UPF1: variants seen among roughly 807,000 people sequenced by gnomAD.
UPF1 encodes the protein UPF1 RNA helicase and ATPase, also known as regulator of nonsense transcripts 1.
UPF1 carries 9 observed loss-of-function variants against 129.2 expected under a neutral mutation model. The observed-to-expected ratio is 0.07, with a 90% CI of 0.04 to 0.12. The LOEUF is 0.12. UPF1 is among the 10% of genes least tolerant of loss of function. The pLI, the probability that UPF1 is intolerant of heterozygous loss-of-function variation, is 1.00. For missense variants in UPF1, 788 were observed against 1,525.3 expected (o/e 0.52, Z 8.05); for synonymous variants, 649 against 644.9 (o/e 1.01, Z -0.10).
At chr19:18,855,716 C>T (rs1345152539) in intron 11 of UPF1, 8 of 652,350 alleles carry the variant, frequency 1.2e-5, no homozygotes, top group Non-Finnish European at 1.8e-5. Context: ...GGGGTAGTGG[C>T]GTGCACCTGT....
Position 18,865,853 on chromosome 19 carries a change from C to G in UPF1, c.3237+75C>G. 1.3e-6 allele frequency: 2 copies of G among 1,592,932 alleles called. No homozygotes were observed. ...CACCTGAAACATTCCCTCTGAAGAG[C>G]CCCAGAGAGCTGGCCTGGCCCATGT... On this transcript the variant is annotated intron_variant, in intron 22 of 23. Coordinates refer to ENST00000262803, the MANE Select transcript of UPF1 (RefSeq NM_002911.4). This position sits in a 1 kb window ranked among gnomAD's most constrained non-coding sequence, Gnocchi z 6.1.
Position 18,865,268 on chromosome 19 carries a change from G to C in UPF1, c.2858-21G>C. ...TTGACCGAGGCAGGTGACACCTGCC[G>C]TGTTCCACTGTGATTTGCAGGCCGG... is the stretch of plus-strand genomic sequence containing the variant. On this transcript the variant is annotated intron_variant, in intron 20 of 23. Coordinates refer to ENST00000262803, the MANE Select transcript of UPF1 (RefSeq NM_002911.4). The surrounding 1 kb of genome is among the most constrained non-coding windows in gnomAD (Gnocchi z 6.1). The C allele has an allele frequency of 2.5e-6, 4 of 1,590,842 alleles. No homozygotes were observed. Among genetic ancestry groups the C allele is most frequent in the Non-Finnish European group, 3.4e-6 (4 of 1,162,604 alleles).
In UPF1 at chr19:18,853,763, C is replaced by G. The variant is rs2055685511; in HGVS notation, c.1156+413C>G. 6.6e-6 allele frequency among the ~76,000 whole-genome samples: 1 copy of G among 152,246 alleles called. No homozygotes were observed. Among genetic ancestry groups the G allele is most frequent in the Admixed American group, 6.5e-5 (1 of 15,290 alleles). On this transcript the variant is annotated intron_variant, in intron 8 of 23. Coordinates refer to ENST00000262803, the MANE Select transcript of UPF1 (RefSeq NM_002911.4). The surrounding 1 kb of genome is among the most constrained non-coding windows in gnomAD (Gnocchi z 4.4). ...CACATGCAGACCCTCTGAGCACACA[C>G]TTGCTCCCAGGCCATGTTTGGGAAT...
At chr19:18,855,364 C>T (rs2055705424) in intron 11 of UPF1, 122 bp downstream of exon 11, 6 of 1,041,144 alleles carry the variant, frequency 5.8e-6, no homozygotes, top group African/African-American at 1.6e-5. Flanking sequence ...CGGGTAGTGT[C>T]GCCATGGTGC....
intron 20 of UPF1, among the ~76,000 whole-genome samples, chr19:18,864,832 G>C (rs1189055072): frequency 7.1e-6 from 1 of 140,092 alleles, no homozygotes; most frequent in Non-Finnish European, 1.5e-5. Flanking sequence ...CTCCCCCTCT[G>C]GGTTCAAGCG....
At chr19:18,866,009 C>G (rs1294764104) in intron 22 of UPF1, 35 bp from the exon 23 acceptor site, 1 of 1,612,728 alleles carries the variant, frequency 6.2e-7, no homozygotes, top group Admixed American at 1.7e-5. Flanking sequence ...CACCCTTGGC[C>G]TGTGGCTTGC....
At position 18,850,002 on chromosome 19, in the gene UPF1, CAG is replaced by C. The variant is rs993289591; in HGVS notation, c.462-72_462-71del. ...CCGTGAACGGTACCGGAACTTTTAA[CAG>C]GGGCCCGAAAATTGGAAGTGGTGAA... On this transcript the variant is annotated intron_variant, in intron 3 of 23. Transcript: ENST00000262803. This position sits in a 1 kb window ranked among gnomAD's most constrained non-coding sequence, Gnocchi z 7.1. The C allele has an allele frequency of 3.8e-6, 6 of 1,588,026 alleles. No homozygotes were observed. Among genetic ancestry groups the C allele is most frequent in the Admixed American group, 1.7e-5 (1 of 59,122 alleles).
At chr19:18,836,218 A>C (rs1413728423) in intron 1 of UPF1, among the ~76,000 whole-genome samples, 1 of 152,178 alleles carries the variant, frequency 6.6e-6, no homozygotes, top group Admixed American at 6.5e-5. Context: ...CAGTGAAGGT[A>C]ATTTCAGAAG....
Position 18,855,343 on chromosome 19 carries a change from A to G in UPF1, c.1544+101A>G, listed in dbSNP as rs2055705008. On this transcript the variant is annotated intron_variant, in intron 11 of 23. Coordinates refer to ENST00000262803, the MANE Select transcript of UPF1 (RefSeq NM_002911.4). Reference sequence around the variant, plus strand: ...AGCCTTGGGCTCTGTCACACCGAAGAGAGCACGTGGCGGGTAGTGTCGCCA... The same window carrying G: ...AGCCTTGGGCTCTGTCACACCGAAGGGAGCACGTGGCGGGTAGTGTCGCCA... The G allele has an allele frequency of 3.0e-6, 4 of 1,337,584 alleles. No individual in the cohort carries two copies. The South Asian group carries it at 4.0e-5, about 13-fold the overall frequency. The allele number at this position is 1,337,584 out of a possible 1,614,324, so 82.9% of individuals were successfully genotyped here.
intron 2 of UPF1, among the ~76,000 whole-genome samples, chr19:18,847,302 C>G (rs1456713648): frequency 1.3e-5 from 2 of 152,216 alleles, no homozygotes; most frequent in Non-Finnish European, 2.9e-5. Flanking sequence ...TCCCGAGGCT[C>G]CTCGCTTGGG....
Position 18,860,379 on chromosome 19 carries a change from C to T in UPF1, c.2241C>T (p.Phe747=), listed in dbSNP as rs749150105. ...GGCCCCAACCCGATAAACCGATGTTCTTCTACGTGACCCAGGGCCAAGAGG... is the reference window on the plus strand; with the variant it reads ...GGCCCCAACCCGATAAACCGATGTTTTTCTACGTGACCCAGGGCCAAGAGG... The part of the protein sequence containing the change: ...FQWPQPDKPM[F]FYVTQGQEEI... Residue 747 remains phenylalanine, a synonymous_variant, in exon 16 of 24, where the codon TTC becomes TTT. Transcript: ENST00000262803. 8 of 1,614,016 alleles carry T rather than the reference C, an allele frequency of 5.0e-6. 1 individual carries two copies. In the South Asian group the frequency reaches 5.5e-5, roughly 11 times the overall value.
At chr19:18,852,588 G>A (rs1700759573) in intron 6 of UPF1, among the ~76,000 whole-genome samples, 1 of 152,148 alleles carries the variant, frequency 6.6e-6, no homozygotes, top group Admixed American at 6.5e-5. Flanking sequence ...CGTGATCCCT[G>A]TGAAGACCAC....
chr19:18,847,797 A>G lies in UPF1; in HGVS notation c.425A>G (p.Lys142Arg). The part of the protein sequence containing the change: ...ACVVYCNTSK[K>R]WFCNGRGNTS... Reference sequence around the variant, plus strand: ...GTGGTTTACTGTAATACCAGCAAGAAGTGGTTCTGCAACGGACGTGGAAAT... The same window carrying G: ...GTGGTTTACTGTAATACCAGCAAGAGGTGGTTCTGCAACGGACGTGGAAAT... The change falls in exon 3 of 24, where the codon AAG (lysine) becomes AGG (arginine). Residue 142 changes from lysine (K) to arginine (R), a missense_variant. Around this residue, in one of 6 missense-constraint regions of UPF1, gnomAD observed 227 missense variants for 517.9 expected, o/e 0.44. Transcript: ENST00000262803. 1.2e-6 allele frequency: 2 copies of G among 1,614,216 alleles called. No homozygotes were observed. The highest frequency in any genetic ancestry group is 1.7e-6 in the Non-Finnish European group (2 of 1,180,030).
chr19:18,846,456 G>A (rs1042351340), intron 2 of UPF1, among the ~76,000 whole-genome samples: 1 of 152,076 alleles, frequency 6.6e-6, no homozygotes, highest in South Asian at 2.1e-4. Context: ...AGCATCTGGG[G>A]TGGGAGGGTG....
intron 17 of UPF1, among the ~76,000 whole-genome samples, chr19:18,861,377 T>G (rs1016139302): frequency 6.6e-6 from 1 of 151,754 alleles, no homozygotes; most frequent in Admixed American, 6.6e-5. Flanking sequence ...CCACTGCGGG[T>G]GTGTGGGGAG....
intron 1 of UPF1, among the ~76,000 whole-genome samples, chr19:18,842,642 G>C (rs1416157457): frequency 6.6e-6 from 1 of 152,110 alleles, no homozygotes; most frequent in Non-Finnish European, 1.5e-5. Flanking sequence ...TCATCACTCT[G>C]AGGGTGTGGT....
At chr19:18,852,033 G>C in intron 5 of UPF1, 102 bp from the exon 6 acceptor site, 1 of 1,428,722 alleles carries the variant, frequency 7.0e-7, no homozygotes, top group African/African-American at 1.5e-5. Context: ...CCCATTCTGA[G>C]AAGCGGCATG....
chr19:18,863,081 A>C, intron 18 of UPF1: 1 of 220,982 alleles, frequency 4.5e-6, no homozygotes. Context: ...GGGCTAGAGG[A>C]GCTGGGCATC....
chr19:18,860,542 C>A, intron 16 of UPF1, 104 bp downstream of exon 16: 1 of 1,160,208 alleles, frequency 8.6e-7, no homozygotes, highest in Non-Finnish European at 1.3e-6. Flanking sequence ...ACTTTTTTTG[C>A]CTTCATTTCC....
Sources: allele counts gnomAD v4.1 joint callset (sites outside exome capture counted in the v4.1 genomes callset), GRCh38; gene constraint gnomAD v4.1.1; regional missense constraint gnomAD v4.1.1; non-coding constraint Gnocchi (gnomAD v3.1); transcripts MANE v1.5; gene names NCBI Gene and HGNC (gene_info 2026-07-23, HGNC 2026-07-21).